Variants in CSMD3 observed in about 807,000 individuals in gnomAD.
CSMD3 encodes the protein CUB and Sushi multiple domains 3.
A neutral mutation model predicts 435.2 loss-of-function variants in CSMD3; 177 were observed. That is an observed-to-expected ratio of 0.41 (90% confidence interval 0.36 to 0.46). The LOEUF (loss-of-function observed/expected upper bound fraction) is 0.46, where lower values mean the gene tolerates loss of function less well. Ranked by LOEUF, CSMD3 falls within the 20% of genes least tolerant of loss-of-function variation. The pLI, the probability that CSMD3 is intolerant of heterozygous loss-of-function variation, is 0.34. For synonymous variants in CSMD3, 1,656 were observed against 1,520.5 expected, an observed-to-expected ratio of 1.09 and a Z score of -2.07; for missense variants, 4,265 against 4,504.6, an observed-to-expected ratio of 0.95 and a Z score of 1.52.
At chr8:112,733,076 C>T (rs1278252507) in intron 13 of CSMD3, among the ~76,000 whole-genome samples, 2 of 152,062 alleles carry the variant, frequency 1.3e-5, no homozygotes, top group Admixed American at 1.3e-4. Context: ...CTTTTGTTTT[C>T]ACCAACCAGT....
chr8:113,146,832 A>T (rs1311130994), intron 4 of CSMD3, among the ~76,000 whole-genome samples: 1 of 151,700 alleles, frequency 6.6e-6, no homozygotes, highest in Non-Finnish European at 1.5e-5. Context: ...AAGATTATGA[A>T]GTCTCCAGAA....
At chr8:112,937,745 C>T (rs1277789841) in intron 9 of CSMD3, among the ~76,000 whole-genome samples, 1 of 152,016 alleles carries the variant, frequency 6.6e-6, no homozygotes, top group African/African-American at 2.4e-5. Context: ...AAGACCAATG[C>T]AATTACTACT....
intron 32 of CSMD3, among the ~76,000 whole-genome samples, chr8:112,460,603 T>C (rs75423243): frequency 0.017 from 2,651 of 152,240 alleles, 34 homozygotes; most frequent in Admixed American, 0.026. Flanking sequence ...TTATGTTATC[T>C]ACCATTGAAT....
intron 10 of CSMD3, among the ~76,000 whole-genome samples, chr8:112,901,917 G>A (rs1564084252): frequency 6.6e-6 from 1 of 151,312 alleles, no homozygotes; most frequent in African/African-American, 2.4e-5. Context: ...GGCCTTGTAG[G>A]AAGAGCCTTT....
chr8:112,895,597 A>G (rs906904468), intron 10 of CSMD3, among the ~76,000 whole-genome samples: 7 of 151,500 alleles, frequency 4.6e-5, no homozygotes, highest in Admixed American at 2.6e-4. Flanking sequence ...ATACCTGGCA[A>G]TTGAATGGGA....
At chr8:113,215,124 T>C (rs1186987043) in intron 3 of CSMD3, among the ~76,000 whole-genome samples, 2 of 151,820 alleles carry the variant, frequency 1.3e-5, no homozygotes, top group African/African-American at 4.8e-5. Context: ...TAAAGATAAA[T>C]AGGAGAAGCT....
intron 10 of CSMD3, among the ~76,000 whole-genome samples, chr8:112,916,476 T>C (rs1275928599): frequency 1.3e-5 from 2 of 151,814 alleles, no homozygotes; most frequent in Non-Finnish European, 2.9e-5. Flanking sequence ...AAAAAACCAC[T>C]AAGAAATATG....
intron 1 of CSMD3, among the ~76,000 whole-genome samples, chr8:113,352,531 C>T (rs1297161261): frequency 6.6e-6 from 1 of 152,164 alleles, no homozygotes; most frequent in Non-Finnish European, 1.5e-5. Flanking sequence ...CTCTAAGAAA[C>T]AACCTAGTTC....
At chr8:112,513,747 T>C (rs529484100) in intron 28 of CSMD3, among the ~76,000 whole-genome samples, 33 of 152,186 alleles carry the variant, frequency 2.2e-4, no homozygotes, top group African/African-American at 8.0e-4. Flanking sequence ...AAATGAGGTA[T>C]GCTTATATGT....
rs1405640147 is a variant in CSMD3 at position 113,099,863 on chromosome 8, A to G, written c.710-900T>C. On this transcript the variant is annotated intron_variant, in intron 4 of 70. Coordinates refer to ENST00000297405, the MANE Select transcript of CSMD3 (RefSeq NM_198123.2). ...TTTAGGCCAGTCAAGCTAATAAGTT[A>G]CAAGTTCACTTGTGAAATAAATTGT... Among the ~76,000 whole-genome samples, 7 of 152,130 alleles carry G rather than the reference A, an allele frequency of 4.6e-5. No individual in the cohort carries two copies. The East Asian group carries it at 1.3e-3, about 29-fold the overall frequency.
At position 113,317,189 on chromosome 8, in the gene CSMD3, A is replaced by G. The variant is rs1042466742; in HGVS notation, c.179-2396T>C. ...GGCATTTTATGATTTTCAAAAATAA[A>G]TAAATAAATAAAAGGTCTCTTTTTA... On this transcript the variant is annotated intron_variant, in intron 1 of 70. Coordinates refer to ENST00000297405, the MANE Select transcript of CSMD3 (RefSeq NM_198123.2). Among the ~76,000 whole-genome samples the G allele has an allele frequency of 2.0e-5, 3 of 152,202 alleles. No individual in the cohort carries two copies. In the South Asian group the frequency reaches 6.2e-4, roughly 32 times the overall value.
chr8:112,535,505 C>G (rs1463460710), intron 27 of CSMD3, among the ~76,000 whole-genome samples: 1 of 151,640 alleles, frequency 6.6e-6, no homozygotes, highest in African/African-American at 2.4e-5. Context: ...CAAACCACTG[C>G]TCAATGAAAT....
chr8:112,580,016 A>G (rs1427787153), intron 23 of CSMD3, among the ~76,000 whole-genome samples: 1 of 152,176 alleles, frequency 6.6e-6, no homozygotes, highest in East Asian at 1.9e-4. Context: ...TCCAAAGAAT[A>G]AAGGAATGCC....
intron 27 of CSMD3, among the ~76,000 whole-genome samples, chr8:112,530,849 G>A (rs1201719494): frequency 1.3e-5 from 2 of 152,184 alleles, no homozygotes; most frequent in Non-Finnish European, 2.9e-5. Context: ...ATAGAAATCT[G>A]TAGCCACAGC....
chr8:112,469,274 A>T (rs1039685024), intron 32 of CSMD3, among the ~76,000 whole-genome samples: 2 of 152,208 alleles, frequency 1.3e-5, no homozygotes, highest in Admixed American at 6.5e-5. Context: ...GAAGGAATAA[A>T]AATGTTCTGT....
chr8:113,423,504 A>T (rs2094619464), intron 1 of CSMD3, among the ~76,000 whole-genome samples: 1 of 151,988 alleles, frequency 6.6e-6, no homozygotes, highest in Admixed American at 6.6e-5. Context: ...AAGGAGGAAA[A>T]ACAAAGTGAG....
intron 5 of CSMD3, among the ~76,000 whole-genome samples, chr8:113,095,305 T>C (rs562853393): frequency 6.6e-6 from 1 of 152,264 alleles, no homozygotes; most frequent in African/African-American, 2.4e-5. Context: ...AAAAAAACTC[T>C]TCCCTTGCTC....
At chr8:112,410,280 C>T (rs767062941) in intron 32 of CSMD3, among the ~76,000 whole-genome samples, 16 of 1,678 alleles carry the variant, frequency 9.5e-3, no homozygotes, top group South Asian at 0.083. Context: ...TTTCTTTGAA[C>T]GTTTCTGAAC....
chr8:112,906,084 A>G (rs1177344339), intron 10 of CSMD3, among the ~76,000 whole-genome samples: 1 of 151,404 alleles, frequency 6.6e-6, no homozygotes, highest in Non-Finnish European at 1.5e-5. Context: ...CAATCCAACC[A>G]TGCTGGCATT....
Sources: allele counts gnomAD v4.1 joint callset (sites outside exome capture counted in the v4.1 genomes callset), GRCh38; gene constraint gnomAD v4.1.1; transcripts MANE v1.5; gene names NCBI Gene and HGNC (gene_info 2026-07-23, HGNC 2026-07-21).